Variants in CEP170 observed in about 807,000 individuals in gnomAD.
The protein encoded by CEP170 is centrosomal protein of 170 kDa.
CEP170 carries 21 observed loss-of-function variants against 151.9 expected under a neutral mutation model. That is an observed-to-expected ratio of 0.14 (90% CI 0.10 to 0.20). The LOEUF is 0.20. CEP170 is among the 10% of genes least tolerant of loss of function. CEP170 has a pLI of 1.00. For missense variants in CEP170, 964 were observed against 1,892.9 expected, an observed-to-expected ratio of 0.51 and a Z score of 9.11; for synonymous variants, 356 against 648.8, an observed-to-expected ratio of 0.55 and a Z score of 6.86.
rs2053556174 is a variant in CEP170, at chr1:243,124,458, G to C, written c.*1991C>G. 6.6e-6 allele frequency: 1 copy of C among 152,470 alleles called. No individual in the cohort carries two copies. The highest frequency in any genetic ancestry group is 2.4e-5 in the African/African-American group (1 of 41,394). 9.4% of individuals were successfully genotyped at this position (152,470 alleles called of 1,614,324 possible). On this transcript the variant is annotated 3_prime_UTR_variant, in exon 20 of 20. Transcript: ENST00000366542. ...TTCCAGAAACACTTTATTTAAAAAT[G>C]GAGTTGTAAATGCATAACAAAATAA...
chr1:243,226,155 CTA>C (rs1273866621), intron 1 of CEP170, among the ~76,000 whole-genome samples: 2 of 110,680 alleles, frequency 1.8e-5, no homozygotes, highest in South Asian at 3.2e-4. Flanking sequence ...ATGTACATGT[CTA>C]TCTCTCTATA....
chr1:243,170,629 AC>A (rs2058769909), intron 11 of CEP170, among the ~76,000 whole-genome samples: 4 of 152,072 alleles, frequency 2.6e-5, no homozygotes, highest in Admixed American at 2.0e-4. Context: ...CCTCGTCTCT[AC>A]GAAAAACACA....
At chr1:243,248,244 G>C (rs1011826957) in intron 1 of CEP170, among the ~76,000 whole-genome samples, 3 of 152,214 alleles carry the variant, frequency 2.0e-5, no homozygotes, top group African/African-American at 7.2e-5. Flanking sequence ...GTGATACAGG[G>C]GACTGATCAC....
chr1:243,135,649 A>C (rs977073014), intron 17 of CEP170: 1 of 152,346 alleles, frequency 6.6e-6, no homozygotes, highest in African/African-American at 2.4e-5. Flanking sequence ...AGATGATGCG[A>C]ACTTCGTTTA....
chr1:243,189,539 A>G (rs1450335345), intron 8 of CEP170, among the ~76,000 whole-genome samples: 45 of 150,192 alleles, frequency 3.0e-4, no homozygotes, highest in Non-Finnish European at 4.4e-4. Flanking sequence ...CTGAGTGACA[A>G]AGCGAGACTC....
At chr1:243,141,489 C>T (rs1431662992) in intron 15 of CEP170, among the ~76,000 whole-genome samples, 2 of 152,090 alleles carry the variant, frequency 1.3e-5, no homozygotes, top group East Asian at 1.9e-4. Context: ...ATGTAAAAAC[C>T]ATTCCTAGTT....
intron 1 of CEP170, among the ~76,000 whole-genome samples, chr1:243,237,416 C>T (rs893356340): frequency 6.6e-6 from 1 of 152,116 alleles, no homozygotes; most frequent in African/African-American, 2.4e-5. Context: ...TGGCTAGTGG[C>T]ACTCTAGCTA....
chr1:243,181,521 A>C (rs1486386250), intron 10 of CEP170, among the ~76,000 whole-genome samples: 1 of 152,158 alleles, frequency 6.6e-6, no homozygotes, highest in African/African-American at 2.4e-5. Flanking sequence ...ACTATCTTTT[A>C]ACTACTACCA....
intron 7 of CEP170, among the ~76,000 whole-genome samples, chr1:243,197,645 G>T (rs2060743560): frequency 6.6e-6 from 1 of 151,898 alleles, no homozygotes; most frequent in Non-Finnish European, 1.5e-5. Flanking sequence ...GAGAGTGAGG[G>T]TAAACTCCTC....
intron 14 of CEP170, among the ~76,000 whole-genome samples, chr1:243,147,875 A>G (rs1300136282): frequency 2.0e-5 from 3 of 152,208 alleles, no homozygotes; most frequent in African/African-American, 4.8e-5. Flanking sequence ...ATAACGAGCT[A>G]GGTATCTTTT....
intron 4 of CEP170, chr1:243,211,356 T>C (rs2061788661): frequency 6.6e-6 from 1 of 152,430 alleles, no homozygotes; most frequent in East Asian, 1.9e-4. Flanking sequence ...ACTAAATGCA[T>C]AATGTGGATT....
In CEP170 at chr1:243,185,693, A is replaced by G; in HGVS notation, c.1566+86T>C. The G allele has an allele frequency of 6.9e-7, 1 of 1,452,136 alleles. No individual in the cohort carries two copies. 90.0% of individuals were successfully genotyped at this position (1,452,136 alleles called of 1,614,324 possible). A position where few individuals can be genotyped will look rare whatever the true frequency, so the allele number is the denominator to read the frequency against. On this transcript the variant is annotated intron_variant, in intron 10 of 19. Transcript: ENST00000366542. The surrounding 1 kb of genome is among the most constrained non-coding windows in gnomAD (Gnocchi z 4.9). ...TTCACATACCACTGACTGCATGACA[A>G]CATCTCATGCTGACTCTCCAATAAT...
chr1:243,244,754 T>A (rs1572647623), intron 1 of CEP170, among the ~76,000 whole-genome samples: 5 of 144,722 alleles, frequency 3.5e-5, no homozygotes, highest in Non-Finnish European at 6.1e-5. Flanking sequence ...TCACAAAAAG[T>A]AAAAAAAAAG....
At chr1:243,250,738 A>G (rs192133925) in intron 1 of CEP170, among the ~76,000 whole-genome samples, 1 of 152,388 alleles carries the variant, frequency 6.6e-6, no homozygotes, top group East Asian at 1.9e-4. Context: ...TTACATAAAT[A>G]TAACTTGAAA....
Position 243,169,801 on chromosome 1 carries a change from C to A in CEP170, c.1717-47G>T, listed in dbSNP as rs377018642. The A allele has an allele frequency of 1.9e-6, 3 of 1,571,284 alleles. No individual in the cohort carries two copies. In the African/African-American group the frequency reaches 4.1e-5, roughly 22 times the overall value. On this transcript the variant is annotated intron_variant, in intron 11 of 19. Transcript: ENST00000366542. ...ACAAAATCATGCAGCCTGGTCATAT[C>A]TGAGTCTCATGAAAGACAATTTCAT...
chr1:243,141,628 A>C (rs1448277947), intron 15 of CEP170, among the ~76,000 whole-genome samples: 1 of 152,216 alleles, frequency 6.6e-6, no homozygotes, highest in African/African-American at 2.4e-5. Flanking sequence ...ATGGCCAAAG[A>C]GTACCATTAA....
At position 243,125,760 on chromosome 1, in the gene CEP170, G is replaced by A. The variant is rs946592666; in HGVS notation, c.*689C>T. 5 of 178,178 alleles carry A rather than the reference G, an allele frequency of 2.8e-5. No individual in the cohort carries two copies. Among genetic ancestry groups the A allele is most frequent in the African/African-American group, 1.2e-4 (5 of 41,990 alleles). The allele number at this position is 178,178 out of a possible 1,614,324, so 11.0% of individuals were successfully genotyped here. On this transcript the variant is annotated 3_prime_UTR_variant, in exon 20 of 20. Transcript: ENST00000366542. ...TTATCAATCTCCTATGTACAAAAAA[G>A]ACGGTTAGTCCTTATTGATATATAG...
chr1:243,217,615 C>T (rs1314627097), intron 3 of CEP170, among the ~76,000 whole-genome samples: 1 of 151,836 alleles, frequency 6.6e-6, no homozygotes, highest in Non-Finnish European at 1.5e-5. Context: ...TTTCAGTTCA[C>T]AAAAAATGCA....
chr1:243,197,828 G>A (rs931788065), intron 7 of CEP170, among the ~76,000 whole-genome samples: 43 of 152,100 alleles, frequency 2.8e-4, no homozygotes, highest in Non-Finnish European at 5.4e-4. Flanking sequence ...ATCTGAAAGC[G>A]TGCTAAGTAA....
Sources: gnomAD v4.1 joint callset for allele counts (sites outside exome capture counted in the v4.1 genomes callset) on GRCh38, gnomAD v4.1.1 for gene constraint, Gnocchi (gnomAD v3.1) non-coding constraint, MANE v1.5 for transcripts, NCBI Gene and HGNC (gene_info 2026-07-23, HGNC 2026-07-21) for gene names.